GUCY2F: variants seen among roughly 807,000 people sequenced by gnomAD.
The protein encoded by GUCY2F is guanylate cyclase 2F, retinal, also known as retinal guanylyl cyclase 2.
In GUCY2F, 61 loss-of-function variants were observed where a neutral mutation model predicts 73.1. The ratio of observed to expected loss-of-function variants is 0.83; its 90% CI spans 0.68 to 1.03. The LOEUF is 1.03. Ranked by LOEUF, GUCY2F falls within the 50% of genes least tolerant of loss-of-function variation. The probability of loss-of-function intolerance (pLI) is 0.00; values close to 1 mark genes in which losing one functional copy is unlikely to be tolerated. For missense variants in GUCY2F, 912 were observed against 854.3 expected, an observed-to-expected ratio of 1.07 and a Z score of -0.84; for synonymous variants, 331 against 307.8, an observed-to-expected ratio of 1.08 and a Z score of -0.79.
intron 5 of GUCY2F, among the ~76,000 whole-genome samples, chrX:109,450,878 C>T (rs1026838165): frequency 1.8e-5 from 2 of 111,949 alleles, no homozygotes; most frequent in Non-Finnish European, 3.8e-5. Flanking sequence ...TGGGAGGGCT[C>T]TTAAACATCA....
intron 3 of GUCY2F, among the ~76,000 whole-genome samples, chrX:109,459,960 T>C (rs922095112): frequency 9.1e-6 from 1 of 109,616 alleles, no homozygotes; most frequent in Admixed American, 9.7e-5. Flanking sequence ...CTCAAGAAAA[T>C]AGGAAAAATA....
chrX:109,396,648 C>T (rs1184782642), intron 11 of GUCY2F, among the ~76,000 whole-genome samples: 1 of 112,110 alleles, frequency 8.9e-6, no homozygotes, highest in Non-Finnish European at 1.9e-5. Flanking sequence ...GACCTTCCCA[C>T]CCCTGAATTG....
At position 109,482,057 on chromosome X, in the gene GUCY2F, CTT is replaced by C. The variant is rs1932768022; in HGVS notation, c.-279_-278del. ...GTTAGTAAATGTTTTGAAAATCACTCTTCAGCATCCGCAGACCAAGACTTGGA... is the reference window on the plus strand; with the variant it reads ...GTTAGTAAATGTTTTGAAAATCACTCCAGCATCCGCAGACCAAGACTTGGA... On this transcript the variant is annotated 5_prime_UTR_variant, in exon 1 of 20. It introduces an in-frame stop codon into an upstream open reading frame of the 5' UTR. Coordinates refer to ENST00000218006, the MANE Select transcript of GUCY2F (RefSeq NM_001522.3). The C allele has an allele frequency of 8.9e-6, 1 of 112,070 alleles. No homozygotes were observed. Among genetic ancestry groups the C allele is most frequent in the Non-Finnish European group, 1.9e-5 (1 of 53,172 alleles). 9.2% of individuals were successfully genotyped at this position (112,070 alleles called of 1,213,427 possible). A position where few individuals can be genotyped will look rare whatever the true frequency, so the allele number is the denominator to read the frequency against.
At position 109,417,919 on chromosome X, in the gene GUCY2F, A is replaced by T. The variant is rs758485861; in HGVS notation, c.1792-8751T>A. On this transcript the variant is annotated intron_variant, in intron 8 of 19. Transcript: ENST00000218006. ...GGACATTTCATAATGATAAAATAAGACATAATAATAAAATGTATATGTGCA... is the reference window on the plus strand; with the variant it reads ...GGACATTTCATAATGATAAAATAAGTCATAATAATAAAATGTATATGTGCA... 7.2e-5 allele frequency among the ~76,000 whole-genome samples: 8 copies of T among 111,804 alleles called. No individual in the cohort carries two copies. In the South Asian group the frequency reaches 1.1e-3, roughly 15 times the overall value.
At chrX:109,421,455 G>A (rs774649742) in intron 8 of GUCY2F, among the ~76,000 whole-genome samples, 2 of 111,219 alleles carry the variant, frequency 1.8e-5, no homozygotes, top group South Asian at 7.5e-4. Flanking sequence ...TGAACCTTGA[G>A]GACATTATGC....
chrX:109,432,778 G>A (rs916241128), intron 7 of GUCY2F, among the ~76,000 whole-genome samples: 1 of 112,039 alleles, frequency 8.9e-6, no homozygotes, highest in Admixed American at 9.4e-5. Flanking sequence ...AATTCTATCT[G>A]CCCAGTGAAG....
At chrX:109,465,054 A>G (rs1488308519) in intron 3 of GUCY2F, 88 bp downstream of exon 3, 2 of 671,902 alleles carry the variant, frequency 3.0e-6, no homozygotes, top group Admixed American at 3.0e-5. Flanking sequence ...TGGGCCTCCT[A>G]TGGAATTGAG....
At chrX:109,438,537 A>G (rs774540481) in intron 7 of GUCY2F, among the ~76,000 whole-genome samples, 21 of 113,230 alleles carry the variant, frequency 1.9e-4, no homozygotes, top group African/African-American at 6.7e-4. Flanking sequence ...GGTCCAAAGT[A>G]ATTCCAAAAT....
chrX:109,387,888 A>C (rs960335201), intron 15 of GUCY2F, among the ~76,000 whole-genome samples: 3 of 111,948 alleles, frequency 2.7e-5, no homozygotes, highest in Non-Finnish European at 5.6e-5. Flanking sequence ...CTTGTCATGA[A>C]TTCCAGATGC....
In GUCY2F at chrX:109,473,448, C is replaced by T. The variant is rs140701545; in HGVS notation, c.730+1759G>A. Among the ~76,000 whole-genome samples the T allele has an allele frequency of 9.4e-3, 1,049 of 111,926 alleles. 12 individuals carry two copies. Among genetic ancestry groups the T allele is most frequent in the African/African-American group, 0.031 (966 of 30,762 alleles). On this transcript the variant is annotated intron_variant, in intron 2 of 19. Transcript: ENST00000218006. ...CTCAACTCTGGCTGCACGTTACAAG[C>T]GCCCGGGAAGCTATTTAAAATACCT...
chrX:109,391,086 C>G (rs1031253659), intron 14 of GUCY2F, among the ~76,000 whole-genome samples: 2 of 112,253 alleles, frequency 1.8e-5, no homozygotes, highest in African/African-American at 6.5e-5. Context: ...GCATCTTTCT[C>G]CATCAATAAG....
At chrX:109,477,746 C>G (rs769836287) in intron 1 of GUCY2F, among the ~76,000 whole-genome samples, 1 of 112,273 alleles carries the variant, frequency 8.9e-6, no homozygotes, top group South Asian at 3.7e-4. Flanking sequence ...TCAGGCCAAA[C>G]TGGTTGTTTA....
chrX:109,385,911 C>T (rs1336413123), intron 15 of GUCY2F, among the ~76,000 whole-genome samples: 3 of 111,666 alleles, frequency 2.7e-5, no homozygotes, highest in Non-Finnish European at 5.6e-5. Flanking sequence ...ACTGAAAAGT[C>T]AGTTTGGGAG....
At chrX:109,386,344 G>T (rs1420664842) in intron 15 of GUCY2F, among the ~76,000 whole-genome samples, 1 of 111,511 alleles carries the variant, frequency 9.0e-6, no homozygotes, top group Non-Finnish European at 1.9e-5. Context: ...GGGTCCAGTG[G>T]AGAAGGTAGG....
chrX:109,472,964 T>C (rs1398239511), intron 2 of GUCY2F, among the ~76,000 whole-genome samples: 1 of 111,245 alleles, frequency 9.0e-6, no homozygotes, highest in African/African-American at 3.3e-5. Flanking sequence ...GTACCATGTA[T>C]GGGTATTACA....
Position 109,409,057 on chromosome X carries a change from GTA to G in GUCY2F, c.1901_1902del (p.Ile634ThrfsTer9). 9.0e-7 allele frequency: 1 copy of G among 1,117,110 alleles called. No homozygotes were observed. Among genetic ancestry groups the G allele is most frequent in the Non-Finnish European group, 1.2e-6 (1 of 809,142 alleles). The allele number at this position is 1,117,110 out of a possible 1,213,427, so 92.1% of individuals were successfully genotyped here. A position where few individuals can be genotyped will look rare whatever the true frequency, so the allele number is the denominator to read the frequency against. ...TCAAGTTTCACATCTTGATTTGTCA[GTA>G]TGTCTTCTAGGCTCCCTCGGGAACA... is the stretch of plus-strand genomic sequence containing the variant. ...EFCSRGSLED[I>X]LTNQDVKLDW... On this transcript the variant is annotated frameshift_variant, in exon 9 of 20. Transcript: ENST00000218006. LOFTEE classifies it high-confidence loss of function.
At chrX:109,408,959 A>G (rs772818817) in intron 9 of GUCY2F, 33 bp downstream of exon 9, 8 of 778,128 alleles carry the variant, frequency 1.0e-5, no homozygotes, top group Non-Finnish European at 1.2e-5. Context: ...ATCTACAGAG[A>G]AAATCCAAGA....
chrX:109,475,603 T>C lies in GUCY2F; in HGVS notation c.334A>G (p.Ser112Gly). 1 of 1,210,906 alleles carries C rather than the reference T, an allele frequency of 8.3e-7. No individual in the cohort carries two copies. Residue 112 changes from serine (S) to glycine (G), a missense_variant, in exon 2 of 20, where the codon AGT becomes GGT. Ser to Gly is a moderately conservative substitution (Grantham distance 56). Coordinates refer to ENST00000218006, the MANE Select transcript of GUCY2F (RefSeq NM_001522.3). ...GCCATCTGGTGGTGGGAAATGAAAC[T>C]GGAGAGAGCCCTCGAAGTCTGGCAG... ...EDCQTSRALS[S>G]FISHHQMASG...
At chrX:109,418,836 T>G (rs746032053) in intron 8 of GUCY2F, among the ~76,000 whole-genome samples, 25 of 109,609 alleles carry the variant, frequency 2.3e-4, no homozygotes, top group Non-Finnish European at 3.9e-4. Flanking sequence ...AGTAATAAAT[T>G]TAATAAATCT....
Sources: allele counts gnomAD v4.1 joint callset (sites outside exome capture counted in the v4.1 genomes callset), GRCh38; gene constraint gnomAD v4.1.1; transcripts MANE v1.5; gene names NCBI Gene and HGNC (gene_info 2026-07-23, HGNC 2026-07-21).